Variants in NRG3 observed in about 807,000 individuals in gnomAD.
NRG3 encodes neuregulin 3, also known as pro-neuregulin-3, membrane-bound isoform.
NRG3 carries 31 observed loss-of-function variants against 66.9 expected under a neutral mutation model. That is an observed-to-expected ratio of 0.46 (90% CI 0.35 to 0.63). NRG3 has a LOEUF of 0.63. Among genes scored for constraint, NRG3 ranks in the 20% least tolerant of loss-of-function variants. NRG3 has a pLI of 0.00. For missense variants in NRG3, 910 were observed against 878.9 expected, an observed-to-expected ratio of 1.04 and a Z score of -0.45; for synonymous variants, 393 against 359.4, an observed-to-expected ratio of 1.09 and a Z score of -1.06.
chr10:82,072,142 C>T (rs1184058541), intron 1 of NRG3, among the ~76,000 whole-genome samples: 2 of 152,148 alleles, frequency 1.3e-5, no homozygotes, highest in Non-Finnish European at 2.9e-5. Flanking sequence ...CTTACCCAAA[C>T]ATGTTTGCAT....
rs563367172 is a variant in NRG3, at chr10:82,467,295, T to C, written c.953+108427T>C. On this transcript the variant is annotated intron_variant, in intron 2 of 8. Transcript: ENST00000372141. ...AAGTATTAATTTACATTTATGCATT[T>C]CCTCTTGCCCTTATCCAAAAAGGTA... 1.7e-4 allele frequency among the ~76,000 whole-genome samples: 26 copies of C among 152,350 alleles called. No individual in the cohort carries two copies. The East Asian group carries it at 4.4e-3, about 26-fold the overall frequency.
At chr10:82,805,259 T>G (rs2061227873) in intron 3 of NRG3, among the ~76,000 whole-genome samples, 1 of 152,176 alleles carries the variant, frequency 6.6e-6, no homozygotes, top group Non-Finnish European at 1.5e-5. Context: ...CTAGTTAGAC[T>G]GCAGCTTTCA....
chr10:82,715,156 A>T (rs900109238), intron 2 of NRG3, among the ~76,000 whole-genome samples: 11 of 152,078 alleles, frequency 7.2e-5, no homozygotes, highest in African/African-American at 2.7e-4. Context: ...GCAATTTGGG[A>T]GACTGCAGTA....
At chr10:82,506,198 A>C (rs1207043366) in intron 2 of NRG3, among the ~76,000 whole-genome samples, 1 of 152,202 alleles carries the variant, frequency 6.6e-6, no homozygotes, top group Non-Finnish European at 1.5e-5. Context: ...CAGTGAGTCG[A>C]GATTGCGCCA....
At chr10:82,243,406 A>C (rs1179972756) in intron 1 of NRG3, among the ~76,000 whole-genome samples, 2 of 152,160 alleles carry the variant, frequency 1.3e-5, no homozygotes, top group East Asian at 3.9e-4. Context: ...ATATGACTTA[A>C]ATTTACAATA....
chr10:82,367,637 C>G (rs12242385), intron 2 of NRG3, among the ~76,000 whole-genome samples: 2,510 of 151,884 alleles, frequency 0.017, 64 homozygotes, highest in African/African-American at 0.056. Context: ...TCTGTTTTTC[C>G]TAATAATTCT....
intron 1 of NRG3, among the ~76,000 whole-genome samples, chr10:82,119,386 A>T (rs1309393693): frequency 3.3e-5 from 5 of 152,170 alleles, no homozygotes; most frequent in South Asian, 2.1e-4. Flanking sequence ...TCACAAAAAA[A>T]GTTATAAAAT....
intron 2 of NRG3, among the ~76,000 whole-genome samples, chr10:82,700,896 G>T (rs2055820153): frequency 6.6e-6 from 1 of 152,004 alleles, no homozygotes; most frequent in African/African-American, 2.4e-5. Context: ...CCTTTAACTC[G>T]TGTCACAGGA....
chr10:82,605,739 T>C (rs2047927884), intron 2 of NRG3, among the ~76,000 whole-genome samples: 1 of 152,216 alleles, frequency 6.6e-6, no homozygotes, highest in Non-Finnish European at 1.5e-5. Flanking sequence ...CCATCTGAGC[T>C]GGTTGCTTTC....
At chr10:82,332,639 T>C (rs2135288639) in intron 1 of NRG3, among the ~76,000 whole-genome samples, 1 of 152,310 alleles carries the variant, frequency 6.6e-6, no homozygotes, top group South Asian at 2.1e-4. Flanking sequence ...AATTCCTGTT[T>C]CGTGAATAAA....
At chr10:82,447,147 A>G (rs2090769048) in intron 2 of NRG3, among the ~76,000 whole-genome samples, 1 of 152,210 alleles carries the variant, frequency 6.6e-6, no homozygotes, top group Non-Finnish European at 1.5e-5. Flanking sequence ...CTCAAATGCT[A>G]CTCTCTAGGA....
In NRG3 at chr10:82,647,987, G is replaced by A. The variant is rs576499199; in HGVS notation, c.954-90590G>A. Among the ~76,000 whole-genome samples, 34 of 147,900 alleles carry A rather than the reference G, an allele frequency of 2.3e-4. No individual in the cohort carries two copies. The South Asian group carries it at 7.1e-3, about 31-fold the overall frequency. ...CACTCTGATGGTAGTTTCTTTTGCT[G>A]TGCAGAAGCTCTTTAGTTTAATTAG... On this transcript the variant is annotated intron_variant, in intron 2 of 8. Transcript: ENST00000372141.
chr10:82,262,840 A>T (rs541276479), intron 1 of NRG3, among the ~76,000 whole-genome samples: 2 of 152,336 alleles, frequency 1.3e-5, no homozygotes, highest in East Asian at 3.9e-4. Context: ...ATATGTAAAT[A>T]GAGGCTCAGA....
intron 1 of NRG3, among the ~76,000 whole-genome samples, chr10:82,112,148 G>T (rs2067424494): frequency 6.6e-6 from 1 of 152,142 alleles, no homozygotes; most frequent in Non-Finnish European, 1.5e-5. Flanking sequence ...GGAGGCTGGT[G>T]CAGGAGAATT....
At chr10:82,183,881 C>T (rs754561732) in intron 1 of NRG3, among the ~76,000 whole-genome samples, 40 of 152,226 alleles carry the variant, frequency 2.6e-4, no homozygotes, top group South Asian at 1.2e-3. Context: ...TTATCTCCTC[C>T]GCAAGATCAT....
chr10:81,906,697 T>C (rs1208839399), intron 1 of NRG3, among the ~76,000 whole-genome samples: 1 of 151,876 alleles, frequency 6.6e-6, no homozygotes, highest in African/African-American at 2.4e-5. Context: ...TGGGAAAAAA[T>C]TAGAAACTGC....
intron 5 of NRG3, among the ~76,000 whole-genome samples, chr10:82,952,481 GT>G (rs1849635572): frequency 9.2e-6 from 1 of 109,202 alleles, no homozygotes; most frequent in Non-Finnish European, 2.2e-5. Context: ...CTGTGTGTGT[GT>G]GTGTGTGTGT....
intron 6 of NRG3, among the ~76,000 whole-genome samples, chr10:82,963,703 C>T (rs369271300): frequency 1.3e-5 from 2 of 152,122 alleles, no homozygotes; most frequent in Admixed American, 6.6e-5. Context: ...AAAGAATTTG[C>T]GTTAAAATAG....
At chr10:82,131,283 T>C (rs2068799049) in intron 1 of NRG3, among the ~76,000 whole-genome samples, 1 of 152,086 alleles carries the variant, frequency 6.6e-6, no homozygotes, top group South Asian at 2.1e-4. Flanking sequence ...TTCCCAGCAC[T>C]ATTTAAAGAG....
Sources: allele counts gnomAD v4.1 joint callset (sites outside exome capture counted in the v4.1 genomes callset), GRCh38; gene constraint gnomAD v4.1.1; transcripts MANE v1.5; gene names NCBI Gene and HGNC (gene_info 2026-07-23, HGNC 2026-07-21).